BICD1: variants seen among roughly 807,000 people sequenced by gnomAD.
BICD1 encodes the protein BICD cargo adaptor 1, also known as protein bicaudal D homolog 1.
Under a neutral mutation model 92.5 loss-of-function variants are expected in BICD1, and 35 were observed. The observed-to-expected ratio is 0.38, with a 90% CI of 0.29 to 0.50. The LOEUF (loss-of-function observed/expected upper bound fraction) is 0.50, where lower values mean the gene tolerates loss of function less well. Among genes scored for constraint, BICD1 ranks in the 20% least tolerant of loss-of-function variants. BICD1 has a pLI of 0.93. For missense variants in BICD1, 950 were observed against 1,189.8 expected, an observed-to-expected ratio of 0.80 and a Z score of 2.97; for synonymous variants, 429 against 465.1, an observed-to-expected ratio of 0.92 and a Z score of 1.00.
intron 2 of BICD1, among the ~76,000 whole-genome samples, chr12:32,280,704 G>A (rs773556948): frequency 1.3e-5 from 2 of 152,160 alleles, no homozygotes; most frequent in African/African-American, 2.4e-5. Context: ...ATATTTTGGG[G>A]TGGCACGTCC....
intron 4 of BICD1, among the ~76,000 whole-genome samples, chr12:32,306,653 A>G (rs539082811): frequency 3.3e-4 from 51 of 152,320 alleles, no homozygotes; most frequent in African/African-American, 1.2e-3. Flanking sequence ...TCTCATTTGC[A>G]TCACTTCAAG....
chr12:32,359,164 C>T (rs1364326978), intron 8 of BICD1, among the ~76,000 whole-genome samples: 3 of 152,156 alleles, frequency 2.0e-5, no homozygotes, highest in African/African-American at 4.8e-5. Context: ...ATTAAATGTT[C>T]TTGCTTTTCT....
intron 2 of BICD1, among the ~76,000 whole-genome samples, chr12:32,281,146 A>T (rs2136168598): frequency 6.6e-6 from 1 of 152,310 alleles, no homozygotes; most frequent in South Asian, 2.1e-4. Context: ...TGGAGTCATA[A>T]TTATCTCCCC....
intron 5 of BICD1, among the ~76,000 whole-genome samples, chr12:32,330,339 C>T (rs893709433): frequency 2.0e-5 from 3 of 149,872 alleles, no homozygotes; most frequent in South Asian, 4.2e-4. Context: ...AAACCGAACA[C>T]CACAAGTTCT....
intron 1 of BICD1, among the ~76,000 whole-genome samples, chr12:32,197,072 G>A (rs1944748256): frequency 6.7e-6 from 1 of 150,348 alleles, no homozygotes. Flanking sequence ...GCAGTGGCAC[G>A]ATCTCAGCTC....
intron 8 of BICD1, among the ~76,000 whole-genome samples, chr12:32,354,625 T>A (rs2136311097): frequency 6.6e-6 from 1 of 152,338 alleles, no homozygotes; most frequent in Middle Eastern, 3.4e-3. Context: ...GTGGGTACTT[T>A]TAGAATAACT....
intron 5 of BICD1, among the ~76,000 whole-genome samples, chr12:32,334,103 T>C (rs1937995321): frequency 6.6e-6 from 1 of 152,198 alleles, no homozygotes; most frequent in East Asian, 1.9e-4. Flanking sequence ...AGTTCTAACA[T>C]ATTCCAATTT....
chr12:32,293,601 A>AT (rs1314029230), intron 2 of BICD1, among the ~76,000 whole-genome samples: 7 of 151,844 alleles, frequency 4.6e-5, no homozygotes, highest in Non-Finnish European at 8.8e-5. Flanking sequence ...AAGTGCTGGG[A>AT]TTACAGGTGT....
At chr12:32,165,142 A>G (rs1157422465) in intron 1 of BICD1, among the ~76,000 whole-genome samples, 1 of 152,196 alleles carries the variant, frequency 6.6e-6, no homozygotes, top group African/African-American at 2.4e-5. Context: ...AAAATGGAAT[A>G]TTAGGAGGGG....
intron 2 of BICD1, among the ~76,000 whole-genome samples, chr12:32,225,041 A>G (rs1158572658): frequency 1.3e-5 from 2 of 152,162 alleles, no homozygotes; most frequent in African/African-American, 4.8e-5. Flanking sequence ...CACAGCCACT[A>G]TCAGGAGGTA....
intron 1 of BICD1, among the ~76,000 whole-genome samples, chr12:32,190,113 G>A (rs1310429714): frequency 6.6e-6 from 1 of 152,044 alleles, no homozygotes; most frequent in African/African-American, 2.4e-5. Flanking sequence ...TAGAAACACA[G>A]AAGATAAAGA....
chr12:32,283,479 AT>A, intron 2 of BICD1, among the ~76,000 whole-genome samples: 1 of 152,170 alleles, frequency 6.6e-6, no homozygotes. Flanking sequence ...ATGAGCATGC[AT>A]AGAGAAGGCA....
In BICD1 at chr12:32,106,968, G is replaced by A. The variant is rs1308568170; in HGVS notation, c.-364G>A. ...GTGACGCGGCCCGGGAGACATGGCG[G>A]ACGGGCGTCTCTGAATAAGCAGAAT... On this transcript the variant is annotated 5_prime_UTR_variant, in exon 1 of 10. Coordinates refer to ENST00000652176, the MANE Select transcript of BICD1 (RefSeq NM_001714.4). 2.1e-5 allele frequency: 5 copies of A among 240,106 alleles called. No individual in the cohort carries two copies. Among genetic ancestry groups the A allele is most frequent in the Non-Finnish European group, 4.0e-5 (5 of 123,658 alleles). The allele number at this position is 240,106 out of a possible 1,614,324, so 14.9% of individuals were successfully genotyped here.
chr12:32,375,742 A>C (rs1290496828), intron 9 of BICD1, among the ~76,000 whole-genome samples: 1 of 152,194 alleles, frequency 6.6e-6, no homozygotes, highest in Non-Finnish European at 1.5e-5. Context: ...CAAGCCAGTC[A>C]GATATTTTCC....
intron 1 of BICD1, among the ~76,000 whole-genome samples, chr12:32,163,933 G>T (rs561936953): frequency 6.6e-6 from 1 of 152,250 alleles, no homozygotes; most frequent in East Asian, 1.9e-4. Flanking sequence ...AACTAAATAT[G>T]CTAAAGCCAA....
intron 8 of BICD1, chr12:32,340,110 C>T (rs1238165547): frequency 1.9e-5 from 19 of 984,850 alleles, no homozygotes; most frequent in Non-Finnish European, 2.3e-5. Flanking sequence ...TTCATTTTAC[C>T]TTAATTCCTT....
chr12:32,180,845 G>A (rs1477940417), intron 1 of BICD1, among the ~76,000 whole-genome samples: 1 of 151,790 alleles, frequency 6.6e-6, no homozygotes, highest in East Asian at 1.9e-4. Context: ...GCTTTCTTAG[G>A]TCTGCAACAT....
chr12:32,238,649 T>G (rs891653949), intron 2 of BICD1, among the ~76,000 whole-genome samples: 1 of 152,162 alleles, frequency 6.6e-6, no homozygotes, highest in Non-Finnish European at 1.5e-5. Context: ...ATTTTCTTAT[T>G]TTAAGAAATT....
rs539933162 is a variant in BICD1 at position 32,383,252 on chromosome 12, A to G, written c.*5625A>G. ...GAAGTGTTTCCACCTACTGATAAAT[A>G]CCATATGAAAACACGACTAAAAGAC... On this transcript the variant is annotated 3_prime_UTR_variant, in exon 10 of 10. Coordinates refer to ENST00000652176, the MANE Select transcript of BICD1 (RefSeq NM_001714.4). 19 of 152,278 alleles carry G rather than the reference A, an allele frequency of 1.2e-4. No homozygotes were observed. The highest frequency in any genetic ancestry group is 1.2e-3 in the Admixed American group (19 of 15,294). 9.4% of individuals were successfully genotyped at this position (152,278 alleles called of 1,614,324 possible).
Sources: gnomAD v4.1 joint callset for allele counts (sites outside exome capture counted in the v4.1 genomes callset) on GRCh38, gnomAD v4.1.1 for gene constraint, MANE v1.5 for transcripts, NCBI Gene and HGNC (gene_info 2026-07-23, HGNC 2026-07-21) for gene names.